RBL1: variants seen among roughly 807,000 people sequenced by gnomAD.
RBL1 encodes retinoblastoma-like protein 1.
Under a neutral mutation model 123.0 loss-of-function variants are expected in RBL1, and 82 were observed. The ratio of observed to expected loss-of-function variants is 0.67; its 90% CI spans 0.56 to 0.80. RBL1 has a LOEUF of 0.80. Among genes scored for constraint, RBL1 ranks in the 30% least tolerant of loss-of-function variants. The probability of loss-of-function intolerance (pLI) is 0.00; values close to 1 mark genes in which losing one functional copy is unlikely to be tolerated. For synonymous variants in RBL1, 405 were observed against 441.3 expected (o/e 0.92, Z 1.03); for missense variants, 1,171 against 1,299.6 (o/e 0.90, Z 1.52).
intron 7 of RBL1, among the ~76,000 whole-genome samples, chr20:37,064,061 G>A (rs573197931): frequency 3.3e-5 from 5 of 151,414 alleles, no homozygotes; most frequent in Admixed American, 6.6e-5. Flanking sequence ...GAGCTCAAGC[G>A]ATCTGGCTGC....
chr20:37,035,134 G>A (rs2064584289), intron 15 of RBL1, 108 bp downstream of exon 15: 5 of 1,136,332 alleles, frequency 4.4e-6, no homozygotes, highest in Non-Finnish European at 6.1e-6. Flanking sequence ...AAAAGTATAG[G>A]TTCAAGAAAA....
intron 16 of RBL1, among the ~76,000 whole-genome samples, chr20:37,031,271 G>A (rs1371533667): frequency 6.6e-6 from 1 of 152,024 alleles, no homozygotes; most frequent in Non-Finnish European, 1.5e-5. Context: ...CAGAATGGGA[G>A]AAAATACTTG....
At chr20:37,080,116 G>T (rs2065424756) in intron 2 of RBL1, among the ~76,000 whole-genome samples, 2 of 151,558 alleles carry the variant, frequency 1.3e-5, no homozygotes, top group Admixed American at 1.3e-4. Flanking sequence ...ATCTTAGTGG[G>T]ACCAATTTAC....
intron 11 of RBL1, among the ~76,000 whole-genome samples, chr20:37,055,321 A>C (rs907349007): frequency 3.9e-5 from 6 of 151,962 alleles, no homozygotes; most frequent in Non-Finnish European, 7.4e-5. Context: ...AAAAAAAAAA[A>C]AAAAAAAAAA....
intron 9 of RBL1, among the ~76,000 whole-genome samples, chr20:37,058,130 C>CAAAA (rs1568865641): frequency 1.7e-5 from 2 of 116,800 alleles, no homozygotes; most frequent in Non-Finnish European, 3.5e-5. Flanking sequence ...AAAAAAAAAA[C>CAAAA]AAAACAAAAC....
chr20:37,053,495 A>G (rs894512612), intron 11 of RBL1, among the ~76,000 whole-genome samples: 4 of 152,190 alleles, frequency 2.6e-5, no homozygotes, highest in Admixed American at 6.6e-5. Context: ...CCCGCCTTTC[A>G]TCGTGAGCTG....
intron 11 of RBL1, among the ~76,000 whole-genome samples, chr20:37,053,213 A>G (rs915983367): frequency 1.3e-5 from 2 of 152,240 alleles, no homozygotes; most frequent in African/African-American, 4.8e-5. Flanking sequence ...ACTCCATCCA[A>G]CAATAGCAGA....
chr20:37,037,920 C>G (rs1204602576), intron 14 of RBL1, among the ~76,000 whole-genome samples: 1 of 150,958 alleles, frequency 6.6e-6, no homozygotes, highest in African/African-American at 2.4e-5. Flanking sequence ...CTCCTGACCT[C>G]GTGATCTGCC....
At chr20:37,029,606 G>A (rs1398534039) in intron 16 of RBL1, among the ~76,000 whole-genome samples, 3 of 151,966 alleles carry the variant, frequency 2.0e-5, no homozygotes, top group Non-Finnish European at 2.9e-5. Flanking sequence ...CAATAAGGCA[G>A]GAAAAAGAAA....
At chr20:37,008,394 A>T (rs1283064942) in intron 19 of RBL1, among the ~76,000 whole-genome samples, 1 of 152,236 alleles carries the variant, frequency 6.6e-6, no homozygotes, top group Non-Finnish European at 1.5e-5. Flanking sequence ...TACCACATAC[A>T]ACAGGAACCC....
chr20:37,091,687 T>C (rs73289853), intron 1 of RBL1, among the ~76,000 whole-genome samples: 25 of 150,354 alleles, frequency 1.7e-4, no homozygotes, highest in African/African-American at 6.1e-4. Context: ...AAAAAAGAAT[T>C]ACAGATGTAA....
intron 7 of RBL1, among the ~76,000 whole-genome samples, chr20:37,064,598 CGTAA>C (rs2065149680): frequency 6.6e-6 from 1 of 151,896 alleles, no homozygotes; most frequent in South Asian, 2.1e-4. Flanking sequence ...AAAATAAATA[CGTAA>C]GTATCAATAA....
intron 13 of RBL1, 67 bp downstream of exon 13, chr20:37,044,019 T>G: frequency 7.5e-7 from 1 of 1,340,578 alleles, no homozygotes; most frequent in Non-Finnish European, 1.0e-6. Context: ...AGGAATTATC[T>G]CTCAATAAAG....
intron 21 of RBL1, among the ~76,000 whole-genome samples, chr20:37,001,806 A>C (rs1346042971): frequency 1.3e-5 from 2 of 149,888 alleles, no homozygotes; most frequent in Admixed American, 1.3e-4. Context: ...GCTTCCCATT[A>C]TGCAAGAGTC....
intron 13 of RBL1, among the ~76,000 whole-genome samples, chr20:37,043,155 C>T (rs372773925): frequency 6.1e-4 from 72 of 117,896 alleles, no homozygotes; most frequent in African/African-American, 1.6e-3. Flanking sequence ...CACACACATG[C>T]GCGCGTGCAC....
intron 18 of RBL1, among the ~76,000 whole-genome samples, chr20:37,018,874 G>T (rs1398614033): frequency 6.6e-6 from 1 of 152,066 alleles, no homozygotes; most frequent in Non-Finnish European, 1.5e-5. Flanking sequence ...CTTGAACTCA[G>T]TGGGTGGAGG....
chr20:37,023,777 AT>A (rs11371156), intron 16 of RBL1, among the ~76,000 whole-genome samples: 8,392 of 125,298 alleles, frequency 0.067, 405 homozygotes, highest in East Asian at 0.41. Flanking sequence ...TATTCAAACT[AT>A]TTTTTTTTTT....
At chr20:37,032,532 C>G (rs1157880878) in intron 16 of RBL1, 133 bp downstream of exon 16, 13 of 1,391,482 alleles carry the variant, frequency 9.3e-6, no homozygotes, top group Non-Finnish European at 1.1e-5. Flanking sequence ...GAACTGTACA[C>G]TTAAAAATGG....
intron 2 of RBL1, among the ~76,000 whole-genome samples, chr20:37,074,159 T>C (rs990075519): frequency 7.3e-5 from 11 of 151,514 alleles, no homozygotes; most frequent in Non-Finnish European, 1.2e-4. Flanking sequence ...ACACCTGTAA[T>C]GCCAGCACTT....
Sources: gnomAD v4.1 joint callset for allele counts (sites outside exome capture counted in the v4.1 genomes callset) on GRCh38, gnomAD v4.1.1 for gene constraint, MANE v1.5 for transcripts, NCBI Gene and HGNC (gene_info 2026-07-23, HGNC 2026-07-21) for gene names.